Variants in CCDC146 observed in about 807,000 individuals in gnomAD.
The protein encoded by CCDC146 is coiled-coil domain containing 146, also known as coiled-coil domain-containing protein 146.
CCDC146 carries 92 observed loss-of-function variants against 119.3 expected under a neutral mutation model. The ratio of observed to expected loss-of-function variants is 0.77; its 90% CI spans 0.65 to 0.92. The LOEUF (loss-of-function observed/expected upper bound fraction) is 0.92, where lower values mean the gene tolerates loss of function less well. CCDC146 is among the 40% of genes least tolerant of loss of function. The pLI is 0.00. For missense variants in CCDC146, 1,000 were observed against 1,103.0 expected (o/e 0.91, Z 1.32); for synonymous variants, 372 against 371.8 (o/e 1.00, Z -0.01).
intron 4 of CCDC146, among the ~76,000 whole-genome samples, chr7:77,249,352 G>A (rs1387517798): frequency 6.6e-6 from 1 of 152,038 alleles, no homozygotes. Flanking sequence ...GCTGGGCGTG[G>A]TGGTGCACAC....
rs1427147812 is a variant in CCDC146, at chr7:77,212,647, GA to G, written c.157-24293del. The stretch of plus-strand genomic sequence containing the variant: ...AAAAAAAAAAAAAAAAAAAATTGAA[GA>G]AAAAAATCCCATTCACAGTGATATG... On this transcript the variant is annotated intron_variant, in intron 2 of 18. Transcript: ENST00000285871. 7.0e-5 allele frequency among the ~76,000 whole-genome samples: 10 copies of G among 143,432 alleles called. No individual in the cohort carries two copies. In the East Asian group the frequency reaches 1.2e-3, roughly 17 times the overall value. The allele number at this position is 143,432 out of a possible 152,430, so 94.1% of individuals were successfully genotyped here.
intron 1 of CCDC146, among the ~76,000 whole-genome samples, chr7:77,163,860 C>CTTTTTTTTTTTTTTTTTTTT (rs530810388): frequency 4.5e-5 from 5 of 110,036 alleles, no homozygotes; most frequent in South Asian, 2.7e-4. Context: ...TCTTTTTTTT[C>CTTTTTTTTTTTTTTTTTTTT]TTTTTTTTTT....
chr7:77,289,654 A>G (rs1793909155), intron 17 of CCDC146, among the ~76,000 whole-genome samples: 2 of 152,260 alleles, frequency 1.3e-5, no homozygotes. Context: ...ACCTAGCCAC[A>G]TTCAAAAAGA....
intron 16 of CCDC146, 193 bp from the exon 17 acceptor site, chr7:77,287,247 G>C: frequency 1.6e-6 from 1 of 613,046 alleles, no homozygotes; most frequent in Non-Finnish European, 2.9e-6. Context: ...ATGTTAGATA[G>C]AGCTGAGGGG....
At chr7:77,150,253 G>A (rs1282204228) in intron 1 of CCDC146, among the ~76,000 whole-genome samples, 2 of 151,780 alleles carry the variant, frequency 1.3e-5, no homozygotes, top group Admixed American at 6.6e-5. Flanking sequence ...AAAAGACACT[G>A]CTAAGAAAAT....
Position 77,215,984 on chromosome 7 carries a change from C to A in CCDC146, c.157-20963C>A, listed in dbSNP as rs976341078. Among the ~76,000 whole-genome samples, 4 of 151,950 alleles carry A rather than the reference C, an allele frequency of 2.6e-5. No individual in the cohort carries two copies. The East Asian group carries it at 7.7e-4, about 29-fold the overall frequency. ...TTAAAGTATATTTAAAGAATTCTAG[C>A]TTGTATCCCTAACCCCCCCACCTTG... On this transcript the variant is annotated intron_variant, in intron 2 of 18. Coordinates refer to ENST00000285871, the MANE Select transcript of CCDC146 (RefSeq NM_020879.3).
chr7:77,148,075 G>T (rs1360054872), intron 1 of CCDC146, among the ~76,000 whole-genome samples: 1 of 152,200 alleles, frequency 6.6e-6, no homozygotes, highest in African/African-American at 2.4e-5. Context: ...GAGCTTCCAG[G>T]CCACTTTGAT....
rs1792176421 is a variant in CCDC146 at position 77,211,253 on chromosome 7, C to G, written c.157-25694C>G. ...TTGTGGTTCTTCATAGTTTTACCAC[C>G]TAAGCATGAATCTCTAAACACCTTC... is the stretch of plus-strand genomic sequence containing the variant. On this transcript the variant is annotated intron_variant, in intron 2 of 18. Coordinates refer to ENST00000285871, the MANE Select transcript of CCDC146 (RefSeq NM_020879.3). 7.9e-5 allele frequency among the ~76,000 whole-genome samples: 12 copies of G among 152,264 alleles called. No individual in the cohort carries two copies. In the South Asian group the frequency reaches 2.5e-3, roughly 32 times the overall value.
chr7:77,205,813 T>C (rs1792071175), intron 2 of CCDC146, among the ~76,000 whole-genome samples: 2 of 152,302 alleles, frequency 1.3e-5, no homozygotes, highest in Admixed American at 6.5e-5. Context: ...TTCAACACTA[T>C]GCTCAGGGGC....
In CCDC146 at chr7:77,254,562, G is replaced by T; in HGVS notation, c.506G>T (p.Gly169Val). The change falls in exon 5 of 19, where the codon GGA becomes GTA. Residue 169 changes from glycine (G) to valine (V), a missense_variant and splice_region_variant. Gly to Val is a moderately radical substitution (Grantham distance 109). This residue lies in a region of CCDC146 where 985 missense variants were observed against 1,045.3 expected (regional missense o/e 0.94). Coordinates refer to ENST00000285871, the MANE Select transcript of CCDC146 (RefSeq NM_020879.3). ...VKEFEKITKP[G>V]EMEKKMKILR... ...GAATTTGAGAAGATAACAAAGCCAGGAGTAAGTCTTAGATGATATAGAGTT... is the reference window on the plus strand; with the variant it reads ...GAATTTGAGAAGATAACAAAGCCAGTAGTAAGTCTTAGATGATATAGAGTT... 1 of 1,509,100 alleles carries T rather than the reference G, an allele frequency of 6.6e-7. No individual in the cohort carries two copies. Among genetic ancestry groups the T allele is most frequent in the South Asian group, 1.2e-5 (1 of 86,830 alleles). The allele number at this position is 1,509,100 out of a possible 1,614,324, so 93.5% of individuals were successfully genotyped here. A position where few individuals can be genotyped will look rare whatever the true frequency, so the allele number is the denominator to read the frequency against.
At chr7:77,242,382 A>T in intron 4 of CCDC146, 1 of 988,858 alleles carries the variant, frequency 1.0e-6, no homozygotes, top group South Asian at 4.6e-5. Flanking sequence ...CCACATATGC[A>T]AACTTCATCT....
chr7:77,294,856 T>C lies in CCDC146; in HGVS notation c.2858T>C (p.Val953Ala). The change falls in exon 19 of 19, where the codon GTT (valine) becomes GCT (alanine). Residue 953 changes from valine to alanine, a missense_variant. Physicochemically the swap from Val to Ala is moderately conservative, Grantham distance 64. Coordinates refer to ENST00000285871, the MANE Select transcript of CCDC146 (RefSeq NM_020879.3). ...RHIRKPVIKP[V>A]EI is the part of the protein sequence containing the mutation. ...ATAAGGAAACCTGTTATAAAGCCAG[T>C]TGAAATCTGAATATGTGAACAAATC... 6.2e-7 allele frequency: 1 copy of C among 1,613,562 alleles called. No homozygotes were observed. Among genetic ancestry groups the C allele is most frequent in the South Asian group, 1.1e-5 (1 of 91,046 alleles).
intron 2 of CCDC146, among the ~76,000 whole-genome samples, chr7:77,226,434 C>T (rs146773749): frequency 8.3e-4 from 127 of 152,356 alleles, no homozygotes; most frequent in African/African-American, 2.8e-3. Flanking sequence ...CTCATGCTGA[C>T]CCCCTTCCAG....
chr7:77,138,109 A>G (rs1790883564), intron 1 of CCDC146, among the ~76,000 whole-genome samples: 1 of 151,874 alleles, frequency 6.6e-6, no homozygotes, highest in Non-Finnish European at 1.5e-5. Context: ...CTATAAAGCT[A>G]TAGTAATCAA....
At chr7:77,223,489 A>G (rs1562838166) in intron 2 of CCDC146, among the ~76,000 whole-genome samples, 1 of 152,214 alleles carries the variant, frequency 6.6e-6, no homozygotes, top group Non-Finnish European at 1.5e-5. Flanking sequence ...GAACAGTCCC[A>G]GAGTTCTCTG....
chr7:77,147,680 G>C (rs1791042602), intron 1 of CCDC146, among the ~76,000 whole-genome samples: 1 of 152,228 alleles, frequency 6.6e-6, no homozygotes, highest in Non-Finnish European at 1.5e-5. Context: ...GTCCACTCCA[G>C]ACACTGTTTG....
intron 3 of CCDC146, 140 bp downstream of exon 3, chr7:77,237,169 G>T: frequency 1.5e-6 from 1 of 671,682 alleles, no homozygotes; most frequent in Non-Finnish European, 2.7e-6. Flanking sequence ...GAAGTGGTAC[G>T]AGAAAGCATC....
At chr7:77,294,212 T>C (rs1794002210) in intron 18 of CCDC146, among the ~76,000 whole-genome samples, 1 of 152,216 alleles carries the variant, frequency 6.6e-6, no homozygotes. Flanking sequence ...AGGAAATATG[T>C]TGCTCTGCCT....
Position 77,249,420 on chromosome 7 carries a change from G to A in CCDC146, c.450-5086G>A, listed in dbSNP as rs554810784. Among the ~76,000 whole-genome samples, 21 of 151,172 alleles carry A rather than the reference G, an allele frequency of 1.4e-4. No homozygotes were observed. The East Asian group carries it at 3.1e-3, about 22-fold the overall frequency. Reference sequence around the variant, plus strand: ...GGAGATTCTCTTGAACCCAGGAGGCGGAGGTTGCAGTGAGCCGAGATCGCA... The same window carrying A: ...GGAGATTCTCTTGAACCCAGGAGGCAGAGGTTGCAGTGAGCCGAGATCGCA... On this transcript the variant is annotated intron_variant, in intron 4 of 18. Coordinates refer to ENST00000285871, the MANE Select transcript of CCDC146 (RefSeq NM_020879.3).
Sources: gnomAD v4.1 joint callset for allele counts (sites outside exome capture counted in the v4.1 genomes callset) on GRCh38, gnomAD v4.1.1 for gene constraint, gnomAD v4.1.1 regional missense constraint, MANE v1.5 for transcripts, NCBI Gene and HGNC (gene_info 2026-07-23, HGNC 2026-07-21) for gene names.